The following TCHP variants were observed in gnomAD, a reference collection of about 807,000 sequenced individuals.
The protein encoded by TCHP is trichoplein keratin filament binding.
A neutral mutation model predicts 88.7 loss-of-function variants in TCHP; 81 were observed. The observed-to-expected ratio is 0.91, with a 90% CI of 0.76 to 1.10. TCHP has a LOEUF of 1.10. TCHP is among the 50% of genes least tolerant of loss of function. The probability of loss-of-function intolerance (pLI) is 0.00; values close to 1 mark genes in which losing one functional copy is unlikely to be tolerated. For missense variants in TCHP, 641 were observed against 632.1 expected (o/e 1.01, Z -0.15); for synonymous variants, 232 against 232.5 (o/e 1.00, Z 0.02).
At position 109,905,985 on chromosome 12, in the gene TCHP, G is replaced by A. The variant is rs561361072; in HGVS notation, c.457-587G>A. 1.2e-3 allele frequency among the ~76,000 whole-genome samples: 178 copies of A among 152,294 alleles called. 1 individual carries two copies. The highest frequency in any genetic ancestry group is 3.3e-3 in the African/African-American group (139 of 41,556). On this transcript the variant is annotated intron_variant, in intron 4 of 12. Transcript: ENST00000405876. This position sits in a 1 kb window ranked among gnomAD's most constrained non-coding sequence, Gnocchi z 4.0. ...CGAGTAGCTGAGACTACAGGTGGGCGCCACCATATCCAGCTAATTTTATAA... is the reference window on the plus strand; with the variant it reads ...CGAGTAGCTGAGACTACAGGTGGGCACCACCATATCCAGCTAATTTTATAA...
chr12:109,888,189 G>A, the TCHP span: 1,778 of 152,352 alleles, frequency 0.012, 21 homozygotes, highest in Middle Eastern at 0.034. Context: ...ATAGAAGGGC[G>A]AGGAAGAGAG....
the TCHP span, among the ~76,000 whole-genome samples, chr12:109,893,655 A>G: frequency 6.6e-6 from 1 of 152,162 alleles, no homozygotes; most frequent in Non-Finnish European, 1.5e-5. Context: ...GTTTATTCCA[A>G]ACAAGACAGC....
chr12:109,893,818 G>A, the TCHP span, among the ~76,000 whole-genome samples: 1 of 152,188 alleles, frequency 6.6e-6, no homozygotes, highest in African/African-American at 2.4e-5. Flanking sequence ...CATAGCCAAT[G>A]GAAATGGGAA....
At chr12:109,881,942 A>G in the TCHP span, among the ~76,000 whole-genome samples, 1 of 132,522 alleles carries the variant, frequency 7.5e-6, no homozygotes, top group South Asian at 2.3e-4. Flanking sequence ...ACTATGTGTC[A>G]TGCACTGCAC....
At chr12:109,881,347 T>TCATCCTCTCCCACCAAGTAA in the TCHP span, among the ~76,000 whole-genome samples, 1 of 152,184 alleles carries the variant, frequency 6.6e-6, no homozygotes, top group Admixed American at 6.6e-5. Flanking sequence ...AACTTCACAT[T>TCATCCTCTCCCACCAAGTAA]CATCCTCTCC....
chr12:109,911,228 C>G lies in TCHP; in HGVS notation c.1045C>G (p.Leu349Val), dbSNP rs1356696664. 5.8e-6 allele frequency: 9 copies of G among 1,546,698 alleles called. No individual in the cohort carries two copies. The highest frequency in any genetic ancestry group is 1.2e-5 in the South Asian group (1 of 83,918). The part of the protein sequence containing the change: ...ERAREAELQM[L>V]LREEAKEMWE... ...GGCGCGGGAGGCAGAGCTGCAGATGCTGCTGAGGTGAGTGGCAGCTGCTGA... is the reference window on the plus strand; with the variant it reads ...GGCGCGGGAGGCAGAGCTGCAGATGGTGCTGAGGTGAGTGGCAGCTGCTGA... The change falls in exon 9 of 13, where the codon CTG becomes GTG. Residue 349 changes from leucine (L) to valine (V), a missense_variant. By Grantham distance (32) the Leu-to-Val change is conservative. Coordinates refer to ENST00000405876, the MANE Select transcript of TCHP (RefSeq NM_001143852.2).
chr12:109,904,635 G>A (rs774444150), intron 3 of TCHP, 102 bp from the exon 4 acceptor site: 53 of 976,176 alleles, frequency 5.4e-5, no homozygotes, highest in Admixed American at 1.0e-4. Context: ...CGGTGTGAAG[G>A]GAGGCACTCA....
Position 109,902,332 on chromosome 12 carries a change from C to G in TCHP, c.1-695C>G, listed in dbSNP as rs150720820. Among the ~76,000 whole-genome samples, 58 of 151,964 alleles carry G rather than the reference C, an allele frequency of 3.8e-4. No homozygotes were observed. In the East Asian group the frequency reaches 6.4e-3, roughly 17 times the overall value. ...ACTACAGGCGCACCACCACTCCTGG[C>G]TAATTTTTGATTTTTTATAGAGATG... On this transcript the variant is annotated intron_variant, in intron 1 of 12. Transcript: ENST00000405876.
At position 109,915,579 on chromosome 12, in the gene TCHP, G is replaced by A. The variant is rs200221958; in HGVS notation, c.1464+33G>A. 1.0e-5 allele frequency: 16 copies of A among 1,584,786 alleles called. No individual in the cohort carries two copies. The South Asian group carries it at 1.3e-4, about 13-fold the overall frequency. On this transcript the variant is annotated intron_variant, in intron 12 of 12. Coordinates refer to ENST00000405876, the MANE Select transcript of TCHP (RefSeq NM_001143852.2). ...GTCTGCCAGGATATAGGCCAACACC[G>A]GCAAGACAGACTCTGCCCGGCCCCT... is the stretch of plus-strand genomic sequence containing the variant.
In TCHP at chr12:109,903,131, G is replaced by A. The variant is rs761241118; in HGVS notation, c.105G>A (p.Glu35=). 1 of 1,614,042 alleles carries A rather than the reference G, an allele frequency of 6.2e-7. No homozygotes were observed. The highest frequency in any genetic ancestry group is 8.5e-7 in the Non-Finnish European group (1 of 1,179,960). Residue 35 remains glutamate, a synonymous_variant, in exon 2 of 13, where the codon GAG becomes GAA. Transcript: ENST00000405876. This position sits in a 1 kb window ranked among gnomAD's most constrained non-coding sequence, Gnocchi z 4.6. ...AGGCCCGGCTTCGGCAGCAGTGGGA[G>A]CAGAACAGCCGTTACTTCAGGATGT... The part of the protein sequence containing the change: ...EQEARLRQQW[E]QNSRYFRMSD...
chr12:109,903,861 T>C lies in TCHP; in HGVS notation c.189-76T>C. ...CATGACACATCTACCTCAGCCTCTT[T>C]TACCGACACAGCAGAGCAGAGCACG... is the stretch of plus-strand genomic sequence containing the variant. On this transcript the variant is annotated intron_variant, in intron 2 of 12. Transcript: ENST00000405876. The surrounding 1 kb of genome is among the most constrained non-coding windows in gnomAD (Gnocchi z 4.6). The C allele has an allele frequency of 8.0e-7, 1 of 1,257,486 alleles. No individual in the cohort carries two copies. The highest frequency in any genetic ancestry group is 1.1e-6 in the Non-Finnish European group (1 of 882,452). The allele number at this position is 1,257,486 out of a possible 1,614,324, so 77.9% of individuals were successfully genotyped here.
chr12:109,904,914 TG>T, intron 4 of TCHP, 121 bp downstream of exon 4: 1 of 829,384 alleles, frequency 1.2e-6, no homozygotes, highest in South Asian at 1.7e-5. Flanking sequence ...TTGAGCCACC[TG>T]AAAAGAGCGC....
chr12:109,893,777 C>T, the TCHP span, among the ~76,000 whole-genome samples: 1 of 152,132 alleles, frequency 6.6e-6, no homozygotes, highest in East Asian at 1.9e-4. Flanking sequence ...GTTTATTACT[C>T]ACAGATCCAG....
intron 1 of TCHP, among the ~76,000 whole-genome samples, chr12:109,902,554 A>G (rs999366120): frequency 6.7e-6 from 1 of 150,168 alleles, no homozygotes; most frequent in Non-Finnish European, 1.5e-5. Context: ...GTTCACTGCA[A>G]CCTCCACCTC....
intron 10 of TCHP, chr12:109,914,160 A>G (rs1474528864): frequency 4.9e-6 from 1 of 202,126 alleles, no homozygotes; most frequent in African/African-American, 2.3e-5. Flanking sequence ...CTCCATCCCC[A>G]TCTCCTTTGA....
At chr12:109,889,239 C>T in the TCHP span, among the ~76,000 whole-genome samples, 3 of 151,902 alleles carry the variant, frequency 2.0e-5, no homozygotes, top group South Asian at 2.1e-4. Context: ...TTTGGGAGGC[C>T]GAGGCAGGCA....
chr12:109,908,220 T>C (rs1369887624), intron 6 of TCHP, among the ~76,000 whole-genome samples: 1 of 152,226 alleles, frequency 6.6e-6, no homozygotes, highest in Non-Finnish European at 1.5e-5. Context: ...ACATTCTTAG[T>C]GCCTACTGCT....
intron 9 of TCHP, among the ~76,000 whole-genome samples, chr12:109,911,655 T>C (rs1870504418): frequency 6.6e-6 from 1 of 151,140 alleles, no homozygotes; most frequent in Non-Finnish European, 1.5e-5. Context: ...GATAGCTGTG[T>C]ATGTTGTCCA....
the TCHP span, among the ~76,000 whole-genome samples, chr12:109,889,392 G>T: frequency 6.6e-6 from 1 of 151,326 alleles, no homozygotes; most frequent in South Asian, 2.1e-4. Context: ...AGAATGGCAT[G>T]AACCCAGGAG....
Sources: allele counts gnomAD v4.1 joint callset (sites outside exome capture counted in the v4.1 genomes callset), GRCh38; gene constraint gnomAD v4.1.1; non-coding constraint Gnocchi (gnomAD v3.1); transcripts MANE v1.5; gene names NCBI Gene and HGNC (gene_info 2026-07-23, HGNC 2026-07-21).